Variants in FHIT observed in about 807,000 individuals in gnomAD.
FHIT encodes bis(5'-adenosyl)-triphosphatase.
FHIT carries 19 observed loss-of-function variants against 17.9 expected under a neutral mutation model. The ratio of observed to expected loss-of-function variants is 1.06; its 90% CI spans 0.74 to 1.56. FHIT has a LOEUF of 1.56. Ranked by LOEUF, FHIT falls within the 40% of genes most tolerant of loss-of-function variation. The pLI is 0.00. For missense variants in FHIT, 248 were observed against 189.2 expected (o/e 1.31, Z -1.82); for synonymous variants, 81 against 69.7 (o/e 1.16, Z -0.81).
chr3:61,209,675 G>A (rs879919163), intron 1 of FHIT, among the ~76,000 whole-genome samples: 3 of 152,070 alleles, frequency 2.0e-5, no homozygotes, highest in Non-Finnish European at 4.4e-5. Context: ...AGTCCTTTAA[G>A]GACTTCTGTG....
intron 5 of FHIT, among the ~76,000 whole-genome samples, chr3:60,430,497 C>T (rs1702844233): frequency 6.6e-6 from 1 of 151,966 alleles, no homozygotes. Flanking sequence ...CATTGTGGGT[C>T]TAAGGGCAAT....
rs190641243 is a variant in FHIT, at chr3:60,107,967, A to G, written c.104-93815T>C. On this transcript the variant is annotated intron_variant, in intron 5 of 9. Transcript: ENST00000492590. ...CATTTAATTTGAAACAAAGAAACAA[A>G]TACTACTCTGGGGTTGCTGTGAAAG... Among the ~76,000 whole-genome samples the G allele has an allele frequency of 2.0e-5, 3 of 152,328 alleles. No individual in the cohort carries two copies. The East Asian group carries it at 5.8e-4, about 29-fold the overall frequency.
chr3:59,901,534 A>G (rs995108438), intron 8 of FHIT, among the ~76,000 whole-genome samples: 2 of 152,212 alleles, frequency 1.3e-5, no homozygotes, highest in African/African-American at 4.8e-5. Context: ...GCTCAATATT[A>G]GCTATCAGGG....
intron 4 of FHIT, among the ~76,000 whole-genome samples, chr3:60,547,054 G>A (rs923638529): frequency 4.6e-4 from 70 of 152,104 alleles, no homozygotes; most frequent in Non-Finnish European, 1.0e-4. Flanking sequence ...GAGTTTGATG[G>A]GAAAATTTGT....
chr3:60,252,533 T>C (rs938000388), intron 5 of FHIT, among the ~76,000 whole-genome samples: 6 of 151,816 alleles, frequency 4.0e-5, no homozygotes, highest in Admixed American at 3.3e-4. Context: ...TACTGCACTC[T>C]AGCCTGGGCG....
intron 4 of FHIT, among the ~76,000 whole-genome samples, chr3:60,647,139 A>C (rs1553686957): frequency 6.6e-6 from 1 of 152,224 alleles, no homozygotes; most frequent in Non-Finnish European, 1.5e-5. Flanking sequence ...GAACACTAGG[A>C]AAACATATCG....
chr3:60,764,920 C>A (rs1176346356), intron 4 of FHIT, among the ~76,000 whole-genome samples: 3 of 151,876 alleles, frequency 2.0e-5, no homozygotes, highest in Non-Finnish European at 4.4e-5. Flanking sequence ...GCATTGAAAC[C>A]AGGATTTTCA....
intron 8 of FHIT, among the ~76,000 whole-genome samples, chr3:59,887,456 C>T (rs1446936301): frequency 6.6e-6 from 1 of 152,124 alleles, no homozygotes; most frequent in Non-Finnish European, 1.5e-5. Context: ...AATACAGCCC[C>T]CTCTGGCTGC....
intron 5 of FHIT, among the ~76,000 whole-genome samples, chr3:60,106,812 T>C (rs962397729): frequency 6.6e-6 from 1 of 152,196 alleles, no homozygotes; most frequent in African/African-American, 2.4e-5. Flanking sequence ...CTGAAGAACC[T>C]TGAGGATAGA....
At chr3:61,129,880 T>C (rs2036715148) in intron 2 of FHIT, among the ~76,000 whole-genome samples, 1 of 152,216 alleles carries the variant, frequency 6.6e-6, no homozygotes, top group Non-Finnish European at 1.5e-5. Context: ...ATCCATTTAA[T>C]CATTCAAAAG....
At chr3:60,505,313 A>G (rs2034683872) in intron 5 of FHIT, among the ~76,000 whole-genome samples, 1 of 152,198 alleles carries the variant, frequency 6.6e-6, no homozygotes, top group Non-Finnish European at 1.5e-5. Flanking sequence ...ACTACTTACT[A>G]GGTGGGTGAG....
chr3:61,182,163 G>C (rs569966036), intron 2 of FHIT, among the ~76,000 whole-genome samples: 57 of 152,290 alleles, frequency 3.7e-4, no homozygotes, highest in African/African-American at 1.3e-3. Context: ...CTGATGGGCA[G>C]GTGGCCATCT....
At chr3:61,011,009 G>A (rs1311303879) in intron 3 of FHIT, among the ~76,000 whole-genome samples, 1 of 152,170 alleles carries the variant, frequency 6.6e-6, no homozygotes, top group East Asian at 1.9e-4. Flanking sequence ...TCTCTAACAT[G>A]AGAAATTTCT....
At chr3:60,929,571 GACAA>G (rs61224750) in intron 3 of FHIT, among the ~76,000 whole-genome samples, 6,524 of 152,160 alleles carry the variant, frequency 0.043, 486 homozygotes, top group African/African-American at 0.15. Context: ...ACCAATAAAA[GACAA>G]ACAGAGCGCC....
chr3:60,433,098 C>A (rs2029876065), intron 5 of FHIT, among the ~76,000 whole-genome samples: 1 of 152,080 alleles, frequency 6.6e-6, no homozygotes, highest in Non-Finnish European at 1.5e-5. Context: ...CTGCCCCCAT[C>A]ACTATCCCCT....
In FHIT at chr3:60,046,595, A is replaced by G. The variant is rs927252507; in HGVS notation, c.104-32443T>C. Among the ~76,000 whole-genome samples, 35 of 152,256 alleles carry G rather than the reference A, an allele frequency of 2.3e-4. 2 individuals are homozygous for G. On this transcript the variant is annotated intron_variant, in intron 5 of 9. Coordinates refer to ENST00000492590, the MANE Select transcript of FHIT (RefSeq NM_002012.4). ...AAAAATAAAAAAGACAAACAGAGCT[A>G]GCCTCTGACTGAGAAAGGACACCTG... is the stretch of plus-strand genomic sequence containing the variant.
chr3:60,775,404 C>T (rs1165070515), intron 4 of FHIT, among the ~76,000 whole-genome samples: 1 of 152,128 alleles, frequency 6.6e-6, no homozygotes, highest in African/African-American at 2.4e-5. Context: ...AGGAGCCTGG[C>T]CCTTCCTTTT....
intron 2 of FHIT, among the ~76,000 whole-genome samples, chr3:61,068,148 G>A (rs564778381): frequency 2.0e-5 from 3 of 152,158 alleles, no homozygotes; most frequent in Non-Finnish European, 4.4e-5. Context: ...CAAACTTTGG[G>A]CTTAAAACAA....
chr3:61,187,469 C>T (rs1338913135), intron 2 of FHIT, among the ~76,000 whole-genome samples: 2 of 152,162 alleles, frequency 1.3e-5, no homozygotes, highest in Non-Finnish European at 2.9e-5. Context: ...TAGACTCCCA[C>T]ACAATAATAA....
Sources: allele counts gnomAD v4.1 joint callset (sites outside exome capture counted in the v4.1 genomes callset), GRCh38; gene constraint gnomAD v4.1.1; transcripts MANE v1.5; gene names NCBI Gene and HGNC (gene_info 2026-07-23, HGNC 2026-07-21).